The following GOLPH3 variants were observed in gnomAD, a reference collection of about 807,000 sequenced individuals.
GOLPH3 encodes the protein coat protein GPP34.
In GOLPH3, 14 loss-of-function variants were observed where a neutral mutation model predicts 28.5. The ratio of observed to expected loss-of-function variants is 0.49; its 90% CI spans 0.32 to 0.77. The LOEUF (loss-of-function observed/expected upper bound fraction) is 0.77. GOLPH3 is among the 30% of genes least tolerant of loss of function. GOLPH3 has a pLI of 0.03. For missense variants in GOLPH3, 350 were observed against 393.7 expected (o/e 0.89, Z 0.94); for synonymous variants, 158 against 159.2 (o/e 0.99, Z 0.06).
intron 1 of GOLPH3, among the ~76,000 whole-genome samples, chr5:32,157,359 GTGCAAAGC>G (rs753205483): frequency 2.6e-5 from 4 of 152,142 alleles, no homozygotes; most frequent in African/African-American, 7.2e-5. Context: ...CACATACCAT[GTGCAAAGC>G]ACTGTTCTGA....
chr5:32,149,428 T>C (rs548227704), intron 1 of GOLPH3, among the ~76,000 whole-genome samples: 1 of 152,308 alleles, frequency 6.6e-6, no homozygotes, highest in East Asian at 1.9e-4. Flanking sequence ...TATTCTAAAA[T>C]TGATTATGGT....
chr5:32,153,405 A>G (rs1746353926), intron 1 of GOLPH3, among the ~76,000 whole-genome samples: 1 of 151,378 alleles, frequency 6.6e-6, no homozygotes, highest in African/African-American at 2.4e-5. Context: ...ATATAATTAT[A>G]TGCACTGAAA....
intron 1 of GOLPH3, among the ~76,000 whole-genome samples, chr5:32,148,975 CA>C (rs1234767948): frequency 1.3e-5 from 2 of 149,680 alleles, no homozygotes; most frequent in Non-Finnish European, 1.5e-5. Flanking sequence ...AACTCCATCT[CA>C]AAAAAAAAGA....
chr5:32,126,981 T>C (rs963075382), intron 3 of GOLPH3, among the ~76,000 whole-genome samples: 2 of 152,140 alleles, frequency 1.3e-5, no homozygotes, highest in African/African-American at 4.8e-5. Context: ...CCAAATAAGT[T>C]TTCTATTAAA....
chr5:32,133,558 A>G (rs1412329356), intron 3 of GOLPH3, among the ~76,000 whole-genome samples: 1 of 152,250 alleles, frequency 6.6e-6, no homozygotes, highest in African/African-American at 2.4e-5. Flanking sequence ...AAAATGATCC[A>G]TCACAGTATA....
intron 1 of GOLPH3, among the ~76,000 whole-genome samples, chr5:32,164,017 T>C (rs1415307541): frequency 6.6e-6 from 1 of 152,184 alleles, no homozygotes; most frequent in East Asian, 1.9e-4. Context: ...TCCCAGAAGG[T>C]AGTGGTGGAA....
chr5:32,133,951 A>G (rs941116750), intron 3 of GOLPH3, among the ~76,000 whole-genome samples: 1 of 152,238 alleles, frequency 6.6e-6, no homozygotes, highest in Non-Finnish European at 1.5e-5. Flanking sequence ...ACAAAAATGC[A>G]AATTTATCAA....
At chr5:32,173,590 G>A (rs2111906251) in intron 1 of GOLPH3, among the ~76,000 whole-genome samples, 1 of 152,306 alleles carries the variant, frequency 6.6e-6, no homozygotes. Context: ...AAAAATCCAA[G>A]CCATCTCTAC....
At chr5:32,144,078 A>G (rs1746140761) in intron 1 of GOLPH3, among the ~76,000 whole-genome samples, 198 bp from the exon 2 acceptor site, 1 of 152,212 alleles carries the variant, frequency 6.6e-6, no homozygotes, top group South Asian at 2.1e-4. Flanking sequence ...TCCACCACTT[A>G]TTCTTACATA....
At chr5:32,140,433 T>G (rs1746031330) in intron 2 of GOLPH3, among the ~76,000 whole-genome samples, 1 of 151,934 alleles carries the variant, frequency 6.6e-6, no homozygotes, top group Admixed American at 6.6e-5. Context: ...GTGGATCATT[T>G]GGGGTCAGGA....
intron 1 of GOLPH3, among the ~76,000 whole-genome samples, chr5:32,149,898 G>A (rs1451175122): frequency 4.6e-5 from 7 of 152,062 alleles, no homozygotes; most frequent in Non-Finnish European, 8.8e-5. Flanking sequence ...TCGGGAGGCT[G>A]AGGCAGGAGA....
chr5:32,148,665 T>C (rs537256383), intron 1 of GOLPH3, among the ~76,000 whole-genome samples: 11 of 152,154 alleles, frequency 7.2e-5, no homozygotes, highest in Admixed American at 3.3e-4. Context: ...GGCGTGGTGG[T>C]GGGCACCTGT....
intron 1 of GOLPH3, among the ~76,000 whole-genome samples, chr5:32,151,217 GC>G (rs1746297661): frequency 7.5e-6 from 1 of 133,442 alleles, no homozygotes; most frequent in Admixed American, 7.7e-5. Flanking sequence ...AAATAAAGTT[GC>G]TTTTTTTTTT....
intron 2 of GOLPH3, among the ~76,000 whole-genome samples, chr5:32,143,398 T>C (rs1050934525): frequency 4.0e-5 from 6 of 151,788 alleles, no homozygotes; most frequent in South Asian, 2.1e-4. Flanking sequence ...ACTATTGTCC[T>C]GTGACCCTGC....
intron 1 of GOLPH3, among the ~76,000 whole-genome samples, chr5:32,172,430 C>T (rs1291720912): frequency 6.6e-6 from 1 of 151,244 alleles, no homozygotes; most frequent in African/African-American, 2.4e-5. Flanking sequence ...GGCGCGGTGG[C>T]TCAAGCTTGT....
intron 1 of GOLPH3, among the ~76,000 whole-genome samples, chr5:32,153,987 C>T (rs1746364772): frequency 6.6e-6 from 1 of 152,128 alleles, no homozygotes; most frequent in East Asian, 1.9e-4. Flanking sequence ...GTTGGCCTTG[C>T]CAAAAAGCAA....
intron 1 of GOLPH3, among the ~76,000 whole-genome samples, chr5:32,152,448 T>TTA (rs1554048957): frequency 1.4e-5 from 2 of 145,740 alleles, no homozygotes; most frequent in Non-Finnish European, 3.0e-5. Context: ...TTTTTTTTTT[T>TTA]AAACTACATG....
At chr5:32,130,889 T>C (rs1010491968) in intron 3 of GOLPH3, among the ~76,000 whole-genome samples, 1 of 152,256 alleles carries the variant, frequency 6.6e-6, no homozygotes, top group East Asian at 1.9e-4. Context: ...AATACATGCT[T>C]AGTAAATTTT....
intron 2 of GOLPH3, among the ~76,000 whole-genome samples, chr5:32,138,642 T>A (rs928450007): frequency 3.3e-5 from 5 of 152,216 alleles, no homozygotes; most frequent in Admixed American, 3.3e-4. Flanking sequence ...TAATAAGTAT[T>A]TTTAAATTGA....
Sources: gnomAD v4.1 joint callset for allele counts (sites outside exome capture counted in the v4.1 genomes callset) on GRCh38, gnomAD v4.1.1 for gene constraint, MANE v1.5 for transcripts, NCBI Gene and HGNC (gene_info 2026-07-23, HGNC 2026-07-21) for gene names.